Variants in KANSL3 observed in about 807,000 individuals in gnomAD.
KANSL3 encodes the protein KAT8 regulatory NSL complex subunit 3.
In KANSL3, 16 loss-of-function variants were observed where a neutral mutation model predicts 89.2. The observed-to-expected ratio is 0.18, with a 90% CI of 0.12 to 0.27. KANSL3 has a LOEUF of 0.27. Among genes scored for constraint, KANSL3 ranks in the 10% least tolerant of loss-of-function variants. The pLI is 1.00. For missense variants in KANSL3, 879 were observed against 1,110.6 expected (o/e 0.79, Z 2.96); for synonymous variants, 385 against 419.7 (o/e 0.92, Z 1.01).
chr2:96,628,346 T>C (rs1438814492), intron 3 of KANSL3: 1 of 693,238 alleles, frequency 1.4e-6, no homozygotes, highest in Non-Finnish European at 1.8e-6. Context: ...CAGTTATATC[T>C]CTCCTTATAA....
At chr2:96,615,865 T>C (rs1216611756) in intron 5 of KANSL3, among the ~76,000 whole-genome samples, 1 of 152,054 alleles carries the variant, frequency 6.6e-6, no homozygotes, top group Non-Finnish European at 1.5e-5. Context: ...ACACAAATAA[T>C]GGTGGGGGAC....
In KANSL3 at chr2:96,610,441, G is replaced by A. The variant is rs529813241; in HGVS notation, c.1319+285C>T. On this transcript the variant is annotated intron_variant, in intron 11 of 20. Coordinates refer to ENST00000431828, the MANE Select transcript of KANSL3 (RefSeq NM_001115016.3). Reference sequence around the variant, plus strand: ...CACCATTCTCCTGCCTCAGCCTCCCGAGTAGCTGGGACTACAGGCGCCCGA... The same window carrying A: ...CACCATTCTCCTGCCTCAGCCTCCCAAGTAGCTGGGACTACAGGCGCCCGA... 58 of 226,198 alleles carry A rather than the reference G, an allele frequency of 2.6e-4. 2 individuals carry two copies. The highest frequency in any genetic ancestry group is 8.6e-4 in the African/African-American group (38 of 44,008). 14.0% of individuals were successfully genotyped at this position (226,198 alleles called of 1,614,324 possible).
chr2:96,635,261 C>T (rs899977374), intron 2 of KANSL3, among the ~76,000 whole-genome samples: 1 of 152,210 alleles, frequency 6.6e-6, no homozygotes, highest in Non-Finnish European at 1.5e-5. Context: ...ACGAGGTAAC[C>T]CTTGCCAACT....
intron 20 of KANSL3, 131 bp from the exon 21 acceptor site, chr2:96,595,762 T>C: frequency 9.4e-7 from 1 of 1,066,068 alleles, no homozygotes; most frequent in South Asian, 1.6e-5. Context: ...GGAAAGAAGT[T>C]GGATACACAA....
chr2:96,597,627 G>C (rs1447080034), intron 20 of KANSL3, among the ~76,000 whole-genome samples: 1 of 152,032 alleles, frequency 6.6e-6, no homozygotes, highest in Non-Finnish European at 1.5e-5. Flanking sequence ...TTTTGAGACA[G>C]AGTCTGGCTC....
intron 3 of KANSL3, among the ~76,000 whole-genome samples, chr2:96,627,687 T>C (rs2072614896): frequency 6.6e-6 from 1 of 152,146 alleles, no homozygotes; most frequent in Non-Finnish European, 1.5e-5. Context: ...TTCATGGAGC[T>C]CTTGATGTGG....
At chr2:96,618,903 A>C (rs1342150598) in intron 5 of KANSL3, among the ~76,000 whole-genome samples, 2 of 152,276 alleles carry the variant, frequency 1.3e-5, no homozygotes, top group African/African-American at 4.8e-5. Flanking sequence ...CTGAATTATA[A>C]AAGTCTAAGT....
downstream of KANSL3, among the ~76,000 whole-genome samples, chr2:96,592,418 T>C (rs932409416): frequency 6.6e-6 from 1 of 152,206 alleles, no homozygotes; most frequent in African/African-American, 2.4e-5. Flanking sequence ...TACTGATCTT[T>C]CAGGATCAAG....
the KANSL3 span, among the ~76,000 whole-genome samples, chr2:96,582,404 A>T: frequency 6.6e-6 from 1 of 152,164 alleles, no homozygotes; most frequent in Admixed American, 6.5e-5. Context: ...TCTCAAAAAA[A>T]AAAAAGAAGA....
At chr2:96,631,875 T>C (rs923177085) in intron 2 of KANSL3, among the ~76,000 whole-genome samples, 10 of 151,930 alleles carry the variant, frequency 6.6e-5, no homozygotes, top group African/African-American at 2.4e-4. Flanking sequence ...GAGGAAACCC[T>C]GTCTCTACCA....
chr2:96,612,344 G>A lies in KANSL3; in HGVS notation c.1024C>T (p.His342Tyr). 1 of 1,613,694 alleles carries A rather than the reference G, an allele frequency of 6.2e-7. No homozygotes were observed. The highest frequency in any genetic ancestry group is 8.5e-7 in the Non-Finnish European group (1 of 1,179,632). The change falls in exon 9 of 21, where the codon CAT becomes TAT. Residue 342 changes from histidine to tyrosine, a missense_variant. Around this residue, in one of 6 missense-constraint regions of KANSL3, gnomAD observed 198 missense variants for 260.3 expected, o/e 0.76. Transcript: ENST00000431828. ...AAGATAATGGGTTTGTGTGGGAAAT[G>A]GCTGTGAATCTTCATGGGAAGAGAA... ...VRSKVLEIHS[H>Y]FPHKPIILIG...
At position 96,619,246 on chromosome 2, in the gene KANSL3, T is replaced by C. The variant is rs558319932; in HGVS notation, c.663+113A>G. Reference sequence around the variant, plus strand: ...AATTTTAGTACCAAACCCATTAGTTTTGGCCATGCACTCCAGACCGACCAG... The same window carrying C: ...AATTTTAGTACCAAACCCATTAGTTCTGGCCATGCACTCCAGACCGACCAG... On this transcript the variant is annotated intron_variant, in intron 5 of 20. Transcript: ENST00000431828. 3.6e-5 allele frequency: 32 copies of C among 890,534 alleles called. No homozygotes were observed. The East Asian group carries it at 8.1e-4, about 22-fold the overall frequency. 55.2% of individuals were successfully genotyped at this position (890,534 alleles called of 1,614,324 possible). A position where few individuals can be genotyped will look rare whatever the true frequency, so the allele number is the denominator to read the frequency against.
chr2:96,592,841 A>G (rs1417076687), downstream of KANSL3, among the ~76,000 whole-genome samples: 1 of 152,074 alleles, frequency 6.6e-6, no homozygotes, highest in Non-Finnish European at 1.5e-5. Context: ...GTCTCTACTA[A>G]AAACACAAAA....
chr2:96,636,039 A>G (rs937716240), intron 2 of KANSL3, among the ~76,000 whole-genome samples: 8 of 151,932 alleles, frequency 5.3e-5, no homozygotes, highest in Non-Finnish European at 1.0e-4. Flanking sequence ...TCTCTAACTC[A>G]TTAGGTCATT....
the KANSL3 span, among the ~76,000 whole-genome samples, chr2:96,587,398 G>A: frequency 1.3e-5 from 2 of 152,168 alleles, no homozygotes; most frequent in East Asian, 3.9e-4. Flanking sequence ...GCTGGCAGCA[G>A]CAGAGGCCAG....
Position 96,608,647 on chromosome 2 carries a change from G to A in KANSL3, c.1602C>T (p.Ser534=), listed in dbSNP as rs760191961. The change falls in exon 14 of 21, where the codon TCC becomes TCT. Residue 534 remains serine, a synonymous_variant. Transcript: ENST00000431828. ...TCTTGGGACTGGAGGTGGGGCTGCTGGACACACTGGAGAGATCCTGAGTAA... is the reference window on the plus strand; with the variant it reads ...TCTTGGGACTGGAGGTGGGGCTGCTAGACACACTGGAGAGATCCTGAGTAA... ...PSGSEDLSSV[S]SSPTSSPKTK... is the part of the protein sequence containing the mutation. The A allele has an allele frequency of 8.7e-6, 14 of 1,613,836 alleles. No individual in the cohort carries two copies. The highest frequency in any genetic ancestry group is 1.1e-5 in the Non-Finnish European group (13 of 1,179,890).
intron 1 of KANSL3, among the ~76,000 whole-genome samples, chr2:96,637,779 A>C (rs534423153): frequency 6.6e-6 from 1 of 152,342 alleles, no homozygotes; most frequent in Non-Finnish European, 1.5e-5. Flanking sequence ...ATAAAAATGA[A>C]AACTGCCCCC....
intron 3 of KANSL3, among the ~76,000 whole-genome samples, chr2:96,620,335 A>G (rs987469659): frequency 2.0e-5 from 3 of 152,060 alleles, no homozygotes; most frequent in African/African-American, 7.2e-5. Flanking sequence ...TTCCATATAT[A>G]TTTTTTGTAT....
Position 96,619,498 on chromosome 2 carries a change from G to C in KANSL3, c.524C>G (p.Ala175Gly), listed in dbSNP as rs780736090. 42 of 1,613,916 alleles carry C rather than the reference G, an allele frequency of 2.6e-5. No individual in the cohort carries two copies. Among genetic ancestry groups the C allele is most frequent in the Non-Finnish European group, 3.2e-5 (38 of 1,179,908 alleles). Residue 175 changes from alanine (A) to glycine (G), a missense_variant, in exon 5 of 21, where the codon GCA (alanine) becomes GGA (glycine). Physicochemically the swap from Ala to Gly is moderately conservative, Grantham distance 60 (BLOSUM62 0). Coordinates refer to ENST00000431828, the MANE Select transcript of KANSL3 (RefSeq NM_001115016.3). ...TGCCAGAGCCTGCCGCACTCTCCTT[G>C]CACACTTGTCCACAGCAACACGGCG... ...VLRRVAVDKC[A>G]RRVRQALASV...
Sources: gnomAD v4.1 joint callset for allele counts (sites outside exome capture counted in the v4.1 genomes callset) on GRCh38, gnomAD v4.1.1 for gene constraint, gnomAD v4.1.1 regional missense constraint, MANE v1.5 for transcripts, NCBI Gene and HGNC (gene_info 2026-07-23, HGNC 2026-07-21) for gene names.